MOGAT1: variants seen among roughly 807,000 people sequenced by gnomAD.
MOGAT1 encodes monoacylglycerol O-acyltransferase 1.
Under a neutral mutation model 31.4 loss-of-function variants are expected in MOGAT1, and 32 were observed. That is an observed-to-expected ratio of 1.02 (90% CI 0.77 to 1.37). The LOEUF (loss-of-function observed/expected upper bound fraction) is 1.37. Ranked by LOEUF, MOGAT1 falls within the 40% of genes most tolerant of loss-of-function variation. The pLI is 0.00. For synonymous variants in MOGAT1, 145 were observed against 144.5 expected (o/e 1.00, Z -0.03); for missense variants, 426 against 402.0 (o/e 1.06, Z -0.51).
At chr2:222,698,096 G>GT (rs1466907251) in intron 5 of MOGAT1, among the ~76,000 whole-genome samples, 1 of 127,114 alleles carries the variant, frequency 7.9e-6, no homozygotes, top group East Asian at 2.0e-4. Flanking sequence ...GCAGGTCATA[G>GT]ACATAGCAGA....
Position 222,688,406 on chromosome 2 carries a change from C to T in MOGAT1, c.157C>T (p.Pro53Ser), listed in dbSNP as rs370183243. 2 of 1,613,366 alleles carry T rather than the reference C, an allele frequency of 1.2e-6. No individual in the cohort carries two copies. Among genetic ancestry groups the T allele is most frequent in the Non-Finnish European group, 1.7e-6 (2 of 1,179,622 alleles). Residue 53 changes from proline (P) to serine (S), a missense_variant, in exon 2 of 6, where the codon CCT (proline) becomes TCT (serine). By Grantham distance (74) the Pro-to-Ser change is moderately conservative. Coordinates refer to ENST00000446656, the MANE Select transcript of MOGAT1 (RefSeq NM_058165.3). ...ACACAACTATTTGTTCCTTTACATCCCTTATTTGATGTGGCTTTACTTTGA... is the reference window on the plus strand; with the variant it reads ...ACACAACTATTTGTTCCTTTACATCTCTTATTTGATGTGGCTTTACTTTGA... Reference protein sequence around the residue: ...IIHNYLFLYIPYLMWLYFDWH... With the variant: ...IIHNYLFLYISYLMWLYFDWH...
At chr2:222,671,971 C>T (rs1028972266) in intron 1 of MOGAT1, 92 bp downstream of exon 1, 2 of 1,021,750 alleles carry the variant, frequency 2.0e-6, no homozygotes, top group Non-Finnish European at 2.9e-6. Flanking sequence ...AACCTTCCAA[C>T]CCTCGTTCCC....
Position 222,688,384 on chromosome 2 carries a change from C to T in MOGAT1, c.135C>T (p.His45=). ...GAATCACTGTGATGCTGATCATACA[C>T]AACTATTTGTTCCTTTACATCCCTT... ...SIGITVMLII[H]NYLFLYIPYL... is the part of the protein sequence containing the mutation. The change falls in exon 2 of 6, where the codon CAC becomes CAT. Residue 45 remains histidine, a synonymous_variant. Transcript: ENST00000446656. 1 of 1,612,958 alleles carries T rather than the reference C, an allele frequency of 6.2e-7. No homozygotes were observed. The highest frequency in any genetic ancestry group is 8.5e-7 in the Non-Finnish European group (1 of 1,179,444).
chr2:222,671,957 A>G, intron 1 of MOGAT1, 78 bp downstream of exon 1: 3 of 1,192,068 alleles, frequency 2.5e-6, no homozygotes, highest in Non-Finnish European at 3.6e-6. Context: ...CAGGACCTGC[A>G]TAGAACCTTC....
rs72968053 is a variant in MOGAT1 at position 222,691,888 on chromosome 2, C to T, written c.478+2419C>T. 6.8e-3 allele frequency among the ~76,000 whole-genome samples: 1,036 copies of T among 152,316 alleles called. 4 individuals are homozygous for T. The highest frequency in any genetic ancestry group is 0.013 in the South Asian group (64 of 4,834). On this transcript the variant is annotated intron_variant, in intron 3 of 5. Coordinates refer to ENST00000446656, the MANE Select transcript of MOGAT1 (RefSeq NM_058165.3). ...CCCACCTCCAACCCATTCCTCTTGTCCCATTTTGGGTGTATCTATACCTAT... is the reference window on the plus strand; with the variant it reads ...CCCACCTCCAACCCATTCCTCTTGTTCCATTTTGGGTGTATCTATACCTAT...
intron 1 of MOGAT1, among the ~76,000 whole-genome samples, chr2:222,683,270 G>A (rs1224174486): frequency 6.6e-6 from 1 of 151,864 alleles, no homozygotes; most frequent in East Asian, 1.9e-4. Flanking sequence ...AGGGAGGAAT[G>A]GGGAGTAACT....
At chr2:222,681,966 A>G (rs952367724) in intron 1 of MOGAT1, among the ~76,000 whole-genome samples, 3 of 152,236 alleles carry the variant, frequency 2.0e-5, no homozygotes, top group African/African-American at 7.2e-5. Context: ...ATACTGCGTT[A>G]TATACTTATT....
At chr2:222,690,255 A>G (rs972884594) in intron 3 of MOGAT1, among the ~76,000 whole-genome samples, 34 of 152,250 alleles carry the variant, frequency 2.2e-4, no homozygotes, top group Non-Finnish European at 4.7e-4. Flanking sequence ...ACCCAATCAC[A>G]ATTAAAAAAA....
Position 222,694,537 on chromosome 2 carries a change from G to T in MOGAT1, c.653+1G>T, listed in dbSNP as rs371667709. ...TTGTTAAAATTGCTTTGACCCATGG[G>T]TAAGTGGCTTTTTGTATAAAGTAGG... is the stretch of plus-strand genomic sequence containing the variant. On this transcript the variant is annotated splice_donor_variant, in intron 4 of 5. Coordinates refer to ENST00000446656, the MANE Select transcript of MOGAT1 (RefSeq NM_058165.3). LOFTEE classifies it high-confidence loss of function. The T allele has an allele frequency of 4.7e-5, 76 of 1,612,070 alleles. No individual in the cohort carries two copies. In the Middle Eastern group the frequency reaches 9.9e-4, roughly 21 times the overall value.
chr2:222,671,951 A>C, intron 1 of MOGAT1, 72 bp downstream of exon 1: 1 of 1,257,754 alleles, frequency 8.0e-7, no homozygotes, highest in Non-Finnish European at 1.1e-6. Flanking sequence ...GGATTCCAGG[A>C]CCTGCATAGA....
intron 5 of MOGAT1, among the ~76,000 whole-genome samples, chr2:222,706,174 A>G (rs1042140581): frequency 1.1e-4 from 16 of 152,224 alleles, no homozygotes; most frequent in African/African-American, 3.9e-4. Context: ...AAGTCTTATG[A>G]TTATAAATTC....
intron 3 of MOGAT1, among the ~76,000 whole-genome samples, chr2:222,691,060 T>C (rs1033982218): frequency 6.6e-5 from 10 of 152,170 alleles, no homozygotes; most frequent in Non-Finnish European, 1.5e-4. Flanking sequence ...CCCTTCTCCA[T>C]AGCCTTATCA....
chr2:222,671,747 A>G lies in MOGAT1; in HGVS notation c.-39A>G, dbSNP rs750607894. ...AGGCGCCGCAGAGCAGCGTGGGTGC[A>G]GGCTGCAGTGGCTGGCGCCGTCCTC... is the stretch of plus-strand genomic sequence containing the variant. On this transcript the variant is annotated 5_prime_UTR_variant, in exon 1 of 6. Coordinates refer to ENST00000446656, the MANE Select transcript of MOGAT1 (RefSeq NM_058165.3). The G allele has an allele frequency of 2.5e-5, 37 of 1,507,852 alleles. No individual in the cohort carries two copies. The highest frequency in any genetic ancestry group is 3.2e-5 in the Non-Finnish European group (35 of 1,109,028). 93.4% of individuals were successfully genotyped at this position (1,507,852 alleles called of 1,614,324 possible).
In MOGAT1 at chr2:222,688,325, ACTTTTT is replaced by A; in HGVS notation, c.95-13_95-8del. 5 of 1,589,548 alleles carry A rather than the reference ACTTTTT, an allele frequency of 3.1e-6. No homozygotes were observed. Among genetic ancestry groups the A allele is most frequent in the Non-Finnish European group, 4.3e-6 (5 of 1,167,302 alleles). ...GATACTAACAGACTGATTCCATGAGACTTTTTCTTTTCTTACAGGGCCGATGTCCAT... is the reference window on the plus strand; with the variant it reads ...GATACTAACAGACTGATTCCATGAGACTTTTCTTACAGGGCCGATGTCCAT... On this transcript the variant is annotated splice_polypyrimidine_tract_variant and intron_variant, in intron 1 of 5. Coordinates refer to ENST00000446656, the MANE Select transcript of MOGAT1 (RefSeq NM_058165.3).
At chr2:222,706,017 T>C (rs765911434) in intron 5 of MOGAT1, among the ~76,000 whole-genome samples, 9 of 152,228 alleles carry the variant, frequency 5.9e-5, no homozygotes, top group Non-Finnish European at 8.8e-5. Flanking sequence ...GGGGTTAGTT[T>C]AAGAAGCAGG....
In MOGAT1 at chr2:222,696,100, A is replaced by G. The variant is rs755149518; in HGVS notation, c.853+812A>G. Reference sequence around the variant, plus strand: ...TTGCTGAAAATGCCATTATTTCATTACTTCTTATGGCTAAGTAGTAGTCCA... The same window carrying G: ...TTGCTGAAAATGCCATTATTTCATTGCTTCTTATGGCTAAGTAGTAGTCCA... On this transcript the variant is annotated intron_variant, in intron 5 of 5. Coordinates refer to ENST00000446656, the MANE Select transcript of MOGAT1 (RefSeq NM_058165.3). Among the ~76,000 whole-genome samples the G allele has an allele frequency of 6.5e-4, 99 of 152,338 alleles. 1 individual carries two copies. The highest frequency in any genetic ancestry group is 1.0e-3 in the Non-Finnish European group (69 of 68,032).
At chr2:222,672,874 C>T (rs548802120) in intron 1 of MOGAT1, among the ~76,000 whole-genome samples, 1 of 138,718 alleles carries the variant, frequency 7.2e-6, no homozygotes, top group South Asian at 2.3e-4. Context: ...TGCCCAGGCT[C>T]CATCCTGGAA....
At chr2:222,675,443 T>C (rs1692480956) in intron 1 of MOGAT1, among the ~76,000 whole-genome samples, 1 of 152,078 alleles carries the variant, frequency 6.6e-6, no homozygotes, top group East Asian at 1.9e-4. Context: ...CCGAATTACC[T>C]GTTTTATTTG....
chr2:222,692,552 C>T (rs1366047325), intron 3 of MOGAT1, among the ~76,000 whole-genome samples: 4 of 152,084 alleles, frequency 2.6e-5, no homozygotes, highest in Admixed American at 1.3e-4. Flanking sequence ...TTAATGCATT[C>T]GGTTTGGAGA....
Sources: gnomAD v4.1 joint callset for allele counts (sites outside exome capture counted in the v4.1 genomes callset) on GRCh38, gnomAD v4.1.1 for gene constraint, MANE v1.5 for transcripts, NCBI Gene and HGNC (gene_info 2026-07-23, HGNC 2026-07-21) for gene names.